PACSIN1: variants seen among roughly 807,000 people sequenced by gnomAD.
The protein encoded by PACSIN1 is protein kinase C and casein kinase substrate in neurons protein 1.
PACSIN1 carries 15 observed loss-of-function variants against 59.5 expected under a neutral mutation model. That is an observed-to-expected ratio of 0.25 (90% CI 0.17 to 0.39). PACSIN1 has a LOEUF of 0.39. PACSIN1 is among the 10% of genes least tolerant of loss of function. PACSIN1 has a pLI of 1.00. For synonymous variants in PACSIN1, 210 were observed against 220.6 expected (o/e 0.95, Z 0.42); for missense variants, 420 against 580.2 (o/e 0.72, Z 2.84).
chr6:34,528,680 A>T lies in PACSIN1; in HGVS notation c.259A>T (p.Ile87Leu). The change falls in exon 4 of 10, where the codon ATA becomes TTA. Residue 87 changes from isoleucine (I) to leucine (L), a missense_variant. Coordinates refer to ENST00000244458, the MANE Select transcript of PACSIN1 (RefSeq NM_020804.5). ...CAGCCTGGAGCGGGCCTGGGGTGCC[A>T]TAATGACAGAGGCAGACAAGGTGAG... ...YGSLERAWGA[I>L]MTEADKVSEL... The T allele has an allele frequency of 6.2e-7, 1 of 1,614,060 alleles. No individual in the cohort carries two copies. Among genetic ancestry groups the T allele is most frequent in the Non-Finnish European group, 8.5e-7 (1 of 1,180,012 alleles).
chr6:34,497,226 C>A (rs758273634), intron 1 of PACSIN1, among the ~76,000 whole-genome samples: 1 of 151,952 alleles, frequency 6.6e-6, no homozygotes, highest in Non-Finnish European at 1.5e-5. Flanking sequence ...CTGGGATTAC[C>A]GGCTGAGCCC....
intron 1 of PACSIN1, among the ~76,000 whole-genome samples, chr6:34,489,932 C>T (rs768961427): frequency 2.2e-4 from 34 of 152,332 alleles, no homozygotes; most frequent in African/African-American, 2.9e-4. Flanking sequence ...TTGCAGGGTC[C>T]TTCCTTCTGG....
chr6:34,508,947 T>G (rs1414003179), intron 1 of PACSIN1, among the ~76,000 whole-genome samples: 4 of 152,218 alleles, frequency 2.6e-5, no homozygotes, highest in Non-Finnish European at 5.9e-5. Context: ...TGCAATTTTT[T>G]TCCCCCATTC....
At chr6:34,519,184 C>T (rs1011291367) in intron 1 of PACSIN1, among the ~76,000 whole-genome samples, 1 of 152,080 alleles carries the variant, frequency 6.6e-6, no homozygotes, top group Non-Finnish European at 1.5e-5. Context: ...ACAGGTGGGC[C>T]ACCAAGGGGT....
intron 1 of PACSIN1, among the ~76,000 whole-genome samples, chr6:34,504,656 T>C (rs1385938603): frequency 6.6e-6 from 1 of 152,188 alleles, no homozygotes; most frequent in East Asian, 1.9e-4. Context: ...GGAAAGTTGA[T>C]CATATTTACC....
At position 34,512,626 on chromosome 6, in the gene PACSIN1, G is replaced by C. The variant is rs79567341; in HGVS notation, c.-63-13617G>C. On this transcript the variant is annotated intron_variant, in intron 1 of 9. Coordinates refer to ENST00000244458, the MANE Select transcript of PACSIN1 (RefSeq NM_020804.5). The stretch of plus-strand genomic sequence containing the variant: ...CAGGCCTGGGAATGGCTGACATCAG[G>C]CTTCTGGCCCAAGGAACGCAAGGCT... Among the ~76,000 whole-genome samples the C allele has an allele frequency of 4.4e-3, 669 of 152,330 alleles. 17 individuals are homozygous for C. In the East Asian group the frequency reaches 0.068, roughly 15 times the overall value.
At position 34,531,566 on chromosome 6, in the gene PACSIN1, G is replaced by A. The variant is rs1202514474; in HGVS notation, c.1038-34G>A. ...TAGCCCTCGGGATGCGGTACGGGGA[G>A]ACATTGAAGCTGGCTCCTTCCTCCG... On this transcript the variant is annotated intron_variant, in intron 8 of 9. Coordinates refer to ENST00000244458, the MANE Select transcript of PACSIN1 (RefSeq NM_020804.5). The surrounding 1 kb of genome is among the most constrained non-coding windows in gnomAD (Gnocchi z 4.4). The A allele has an allele frequency of 6.2e-7, 1 of 1,608,084 alleles. No individual in the cohort carries two copies.
Position 34,527,215 on chromosome 6 carries a change from G to T in PACSIN1, c.64-117G>T. The T allele has an allele frequency of 2.8e-6, 3 of 1,080,398 alleles. No individual in the cohort carries two copies. The East Asian group carries it at 9.7e-5, about 35-fold the overall frequency. 66.9% of individuals were successfully genotyped at this position (1,080,398 alleles called of 1,614,324 possible). ...GGGCGGGGGCGGGGGCGGGGACGGC[G>T]AGGCCGTAAGCGGGGAGGCGGGGCG... is the stretch of plus-strand genomic sequence containing the variant. On this transcript the variant is annotated intron_variant, in intron 2 of 9. Transcript: ENST00000244458.
At chr6:34,485,379 G>A (rs1289796566) in intron 1 of PACSIN1, among the ~76,000 whole-genome samples, 1 of 152,094 alleles carries the variant, frequency 6.6e-6, no homozygotes, top group Non-Finnish European at 1.5e-5. Flanking sequence ...GTAGCCCTCC[G>A]AGTGGGACAG....
chr6:34,485,899 C>G (rs572898345), intron 1 of PACSIN1, among the ~76,000 whole-genome samples: 1 of 152,042 alleles, frequency 6.6e-6, no homozygotes, highest in African/African-American at 2.4e-5. Flanking sequence ...GGAAAGGCTT[C>G]GGAGGGAGTG....
At chr6:34,486,304 G>A (rs1766792982) in intron 1 of PACSIN1, among the ~76,000 whole-genome samples, 1 of 152,098 alleles carries the variant, frequency 6.6e-6, no homozygotes, top group African/African-American at 2.4e-5. Context: ...GGAGGAGGAG[G>A]TGTTGTAAAA....
chr6:34,474,130 G>C lies in PACSIN1; in HGVS notation c.-64+7860G>C, dbSNP rs115236101. Reference sequence around the variant, plus strand: ...TGGGAGGAAGCAGGTGGTTTGTCCTGCTGTGTTTCCTGCAGACTGGATTTT... The same window carrying C: ...TGGGAGGAAGCAGGTGGTTTGTCCTCCTGTGTTTCCTGCAGACTGGATTTT... On this transcript the variant is annotated intron_variant, in intron 1 of 9. Coordinates refer to ENST00000244458, the MANE Select transcript of PACSIN1 (RefSeq NM_020804.5). Among the ~76,000 whole-genome samples, 730 of 152,274 alleles carry C rather than the reference G, an allele frequency of 4.8e-3. 4 individuals carry two copies. The highest frequency in any genetic ancestry group is 0.027 in the Middle Eastern group (8 of 294).
At position 34,518,304 on chromosome 6, in the gene PACSIN1, C is replaced by T. The variant is rs1341082718; in HGVS notation, c.-63-7939C>T. 7.2e-5 allele frequency among the ~76,000 whole-genome samples: 11 copies of T among 152,212 alleles called. No individual in the cohort carries two copies. Among genetic ancestry groups the T allele is most frequent in the African/African-American group, 2.4e-5 (1 of 41,452 alleles). ...TTGCCCACAGAGGAGGCAGCCTGGC[C>T]CCTGCTCTCCAGGTGGCCACAGAGG... is the stretch of plus-strand genomic sequence containing the variant. On this transcript the variant is annotated intron_variant, in intron 1 of 9. Coordinates refer to ENST00000244458, the MANE Select transcript of PACSIN1 (RefSeq NM_020804.5). This position sits in a 1 kb window ranked among gnomAD's most constrained non-coding sequence, Gnocchi z 4.4.
chr6:34,468,721 G>A (rs2113830208), intron 1 of PACSIN1, among the ~76,000 whole-genome samples: 1 of 152,256 alleles, frequency 6.6e-6, no homozygotes, highest in Admixed American at 6.5e-5. Flanking sequence ...CCCAGCTTGG[G>A]CTGGGAACCC....
chr6:34,531,819 G>C lies in PACSIN1; in HGVS notation c.1225+32G>C, dbSNP rs768212477. ...CGGCTGGGCGGGGCAGTGCCTGAGA[G>C]AGGCTTGGGCCTGGATTGGGTGTGT... is the stretch of plus-strand genomic sequence containing the variant. On this transcript the variant is annotated intron_variant, in intron 9 of 9. Transcript: ENST00000244458. This position sits in a 1 kb window ranked among gnomAD's most constrained non-coding sequence, Gnocchi z 4.4. The C allele has an allele frequency of 1.1e-5, 17 of 1,535,862 alleles. No homozygotes were observed. Among genetic ancestry groups the C allele is most frequent in the Non-Finnish European group, 1.1e-5 (13 of 1,140,392 alleles).
At chr6:34,504,463 G>T (rs1001776545) in intron 1 of PACSIN1, among the ~76,000 whole-genome samples, 1 of 151,902 alleles carries the variant, frequency 6.6e-6, no homozygotes, top group East Asian at 1.9e-4. Context: ...GATAATTTTT[G>T]TATTTTTAGT....
Position 34,527,408 on chromosome 6 carries a change from A to G in PACSIN1, c.140A>G (p.Gln47Arg). The change falls in exon 3 of 10, where the codon CAG becomes CGG. Residue 47 changes from glutamine (Q) to arginine (R), a missense_variant. Coordinates refer to ENST00000244458, the MANE Select transcript of PACSIN1 (RefSeq NM_020804.5). ...RLCNDLMNCV[Q>R]ERAKIEKAYG... is the part of the protein sequence containing the mutation. ...TGCAACGACCTGATGAACTGCGTGC[A>G]GGAGCGCGCCAAGATCGAGAAGGCG... 2 of 1,600,682 alleles carry G rather than the reference A, an allele frequency of 1.2e-6. No homozygotes were observed. Among genetic ancestry groups the G allele is most frequent in the Non-Finnish European group, 1.7e-6 (2 of 1,174,882 alleles).
In PACSIN1 at chr6:34,527,418, C is replaced by G; in HGVS notation, c.150C>G (p.Ala50=). 6.3e-7 allele frequency: 1 copy of G among 1,599,800 alleles called. No individual in the cohort carries two copies. Among genetic ancestry groups the G allele is most frequent in the Non-Finnish European group, 8.5e-7 (1 of 1,174,480 alleles). Residue 50 remains alanine, a synonymous_variant, in exon 3 of 10, where the codon GCC becomes GCG. Transcript: ENST00000244458. ...NDLMNCVQER[A]KIEKAYGQQL... ...TGATGAACTGCGTGCAGGAGCGCGCCAAGATCGAGAAGGCGTACGGGCAGC... is the reference window on the plus strand; with the variant it reads ...TGATGAACTGCGTGCAGGAGCGCGCGAAGATCGAGAAGGCGTACGGGCAGC...
intron 1 of PACSIN1, among the ~76,000 whole-genome samples, chr6:34,466,842 G>A (rs1037576063): frequency 7.2e-5 from 11 of 152,178 alleles, no homozygotes; most frequent in African/African-American, 2.7e-4. Flanking sequence ...TGGGCTGCTG[G>A]GCACTGCCCT....
Sources: gnomAD v4.1 joint callset for allele counts (sites outside exome capture counted in the v4.1 genomes callset) on GRCh38, gnomAD v4.1.1 for gene constraint, Gnocchi (gnomAD v3.1) non-coding constraint, MANE v1.5 for transcripts, NCBI Gene and HGNC (gene_info 2026-07-23, HGNC 2026-07-21) for gene names.